Variants in NMT1 observed in about 807,000 individuals in gnomAD.
The protein encoded by NMT1 is N-myristoyltransferase 1, also known as glycylpeptide N-tetradecanoyltransferase 1.
A neutral mutation model predicts 63.4 loss-of-function variants in NMT1; 12 were observed. That is an observed-to-expected ratio of 0.19 (90% CI 0.12 to 0.31). The LOEUF (loss-of-function observed/expected upper bound fraction) is 0.31, where lower values mean the gene tolerates loss of function less well. NMT1 is among the 10% of genes least tolerant of loss of function. The pLI is 1.00. For synonymous variants in NMT1, 228 were observed against 234.3 expected (o/e 0.97, Z 0.25); for missense variants, 432 against 634.6 (o/e 0.68, Z 3.43).
chr17:45,069,631 C>A (rs2053927010), intron 1 of NMT1, among the ~76,000 whole-genome samples: 1 of 152,068 alleles, frequency 6.6e-6, no homozygotes, highest in South Asian at 2.1e-4. Flanking sequence ...AGATTTGCAT[C>A]TCCACTGGTC....
rs573374776 is a variant in NMT1 at position 45,092,544 on chromosome 17, A to C, written c.386-1141A>C. Among the ~76,000 whole-genome samples the C allele has an allele frequency of 3.9e-4, 59 of 151,678 alleles. 2 individuals are homozygous for C. The South Asian group carries it at 0.012, about 30-fold the overall frequency. ...GAAACTCCATCTCTACTGAAAAAAA[A>C]AAAACAAAACACCAAAATTAGCCAG... On this transcript the variant is annotated intron_variant, in intron 3 of 11. Transcript: ENST00000258960.
At chr17:45,067,593 G>C (rs566053584) in intron 1 of NMT1, among the ~76,000 whole-genome samples, 5 of 152,206 alleles carry the variant, frequency 3.3e-5, no homozygotes, top group African/African-American at 1.2e-4. Context: ...TCCAAGAGTC[G>C]TTCTTTCCCT....
chr17:45,068,627 C>G (rs2053918330), intron 1 of NMT1, among the ~76,000 whole-genome samples: 1 of 152,176 alleles, frequency 6.6e-6, no homozygotes. Flanking sequence ...CATGATTTCA[C>G]TTATGAAGAC....
chr17:45,076,896 A>G (rs1567863758), intron 1 of NMT1, among the ~76,000 whole-genome samples: 1 of 152,186 alleles, frequency 6.6e-6, no homozygotes, highest in African/African-American at 2.4e-5. Flanking sequence ...TTGCTCTCTG[A>G]TTTTAGTTTC....
intron 3 of NMT1, among the ~76,000 whole-genome samples, chr17:45,090,398 G>GTCGTCCTTCT (rs140393825): frequency 2.0e-5 from 3 of 151,628 alleles, no homozygotes; most frequent in Non-Finnish European, 4.4e-5. Flanking sequence ...TCGAGATCAT[G>GTCGTCCTTCT]TCGTTCTTCT....
chr17:45,086,103 T>C (rs1428749981), intron 2 of NMT1, among the ~76,000 whole-genome samples: 1 of 149,368 alleles, frequency 6.7e-6, no homozygotes, highest in Non-Finnish European at 1.5e-5. Context: ...ATTACAGGCA[T>C]GAGCCACTGC....
At chr17:45,094,995 TA>T (rs2054114913) in intron 4 of NMT1, among the ~76,000 whole-genome samples, 1 of 147,812 alleles carries the variant, frequency 6.8e-6, no homozygotes, top group Non-Finnish European at 1.5e-5. Context: ...GTATTTTTAG[TA>T]GAGATGGGGT....
chr17:45,078,014 C>G (rs929063590), intron 1 of NMT1, among the ~76,000 whole-genome samples: 2 of 152,134 alleles, frequency 1.3e-5, no homozygotes, highest in African/African-American at 4.8e-5. Flanking sequence ...GTACTTGCAT[C>G]TAGACTTCAT....
intron 1 of NMT1, among the ~76,000 whole-genome samples, chr17:45,075,867 C>T (rs71373532): frequency 0.045 from 6,893 of 152,216 alleles, 202 homozygotes; most frequent in Non-Finnish European, 0.068. Flanking sequence ...GTCAGGAGTT[C>T]AAGACCAGCC....
chr17:45,064,858 A>G lies in NMT1; in HGVS notation c.131+3398A>G, dbSNP rs553791330. On this transcript the variant is annotated intron_variant, in intron 1 of 11. Transcript: ENST00000258960. Reference sequence around the variant, plus strand: ...TCTCAAAGCTTGGCTCTGACACTTAACAGTCCTGTGACCTTGGGAAAGGTA... The same window carrying G: ...TCTCAAAGCTTGGCTCTGACACTTAGCAGTCCTGTGACCTTGGGAAAGGTA... Among the ~76,000 whole-genome samples the G allele has an allele frequency of 5.3e-5, 8 of 152,206 alleles. 1 individual carries two copies. In the South Asian group the frequency reaches 1.7e-3, roughly 32 times the overall value.
rs1159125900 is a variant in NMT1, at chr17:45,104,785, G to A, written c.1333-74G>A. The A allele has an allele frequency of 1.9e-6, 3 of 1,588,688 alleles. No individual in the cohort carries two copies. Among genetic ancestry groups the A allele is most frequent in the Non-Finnish European group, 2.6e-6 (3 of 1,163,780 alleles). On this transcript the variant is annotated intron_variant, in intron 10 of 11. Transcript: ENST00000258960. This position sits in a 1 kb window ranked among gnomAD's most constrained non-coding sequence, Gnocchi z 4.2. Reference sequence around the variant, plus strand: ...GCTGCCCACAGGACAGCTTTGAAATGGCAGCAAAGGGGTAGGAAGGAGGCT... The same window carrying A: ...GCTGCCCACAGGACAGCTTTGAAATAGCAGCAAAGGGGTAGGAAGGAGGCT...
intron 2 of NMT1, among the ~76,000 whole-genome samples, chr17:45,081,984 C>A (rs1388320457): frequency 6.6e-6 from 1 of 152,210 alleles, no homozygotes; most frequent in Non-Finnish European, 1.5e-5. Flanking sequence ...TGGTGCCCAT[C>A]AGAATGGACA....
intron 1 of NMT1, among the ~76,000 whole-genome samples, chr17:45,076,991 G>A (rs1323557042): frequency 6.6e-6 from 1 of 152,194 alleles, no homozygotes; most frequent in Non-Finnish European, 1.5e-5. Flanking sequence ...CAAAAATTGG[G>A]TTCATGAGGT....
Position 45,061,415 on chromosome 17 carries a change from A to G in NMT1, c.86A>G (p.His29Arg). The change falls in exon 1 of 12, where the codon CAC (histidine) becomes CGC (arginine). Residue 29 changes from histidine to arginine, a missense_variant. His to Arg is a conservative substitution (Grantham distance 29, BLOSUM62 0). Transcript: ENST00000258960. ...MMEGNGNGHEHCSDCENEEDN... is the reference protein window; with the variant it reads ...MMEGNGNGHERCSDCENEEDN... The stretch of plus-strand genomic sequence containing the variant: ...GAAGGGAACGGGAACGGCCATGAGC[A>G]CTGCAGCGATTGCGAGAATGAGGAG... The G allele has an allele frequency of 6.2e-7, 1 of 1,614,004 alleles. No homozygotes were observed. Among genetic ancestry groups the G allele is most frequent in the East Asian group, 2.2e-5 (1 of 44,874 alleles).
At chr17:45,101,337 C>T (rs938173351) in intron 8 of NMT1, among the ~76,000 whole-genome samples, 1 of 147,462 alleles carries the variant, frequency 6.8e-6, no homozygotes, top group Non-Finnish European at 1.5e-5. Flanking sequence ...TTCTTAAAAT[C>T]CCTTCTCAGG....
chr17:45,104,001 G>A lies in NMT1; in HGVS notation c.1332+125G>A. On this transcript the variant is annotated intron_variant, in intron 10 of 11. Transcript: ENST00000258960. This position sits in a 1 kb window ranked among gnomAD's most constrained non-coding sequence, Gnocchi z 4.2. ...GCTCTGAGCCCTCCTCATCTGTTCTGCTTAGGCAGGGTTCCCGCAGTTTTT... is the reference window on the plus strand; with the variant it reads ...GCTCTGAGCCCTCCTCATCTGTTCTACTTAGGCAGGGTTCCCGCAGTTTTT... The A allele has an allele frequency of 6.3e-7, 1 of 1,596,808 alleles. No homozygotes were observed. Among genetic ancestry groups the A allele is most frequent in the Non-Finnish European group, 8.5e-7 (1 of 1,178,602 alleles).
At chr17:45,102,467 G>T (rs756282032) in intron 8 of NMT1, among the ~76,000 whole-genome samples, 4 of 152,248 alleles carry the variant, frequency 2.6e-5, no homozygotes, top group Non-Finnish European at 5.9e-5. Flanking sequence ...TAGTGTCTGG[G>T]TGGGCAGACC....
In NMT1 at chr17:45,104,140, T is replaced by C; in HGVS notation, c.1332+264T>C. On this transcript the variant is annotated intron_variant, in intron 10 of 11. Coordinates refer to ENST00000258960, the MANE Select transcript of NMT1 (RefSeq NM_021079.5). This position sits in a 1 kb window ranked among gnomAD's most constrained non-coding sequence, Gnocchi z 4.2. ...TCACAGGAGGCGCCACCAAGGAGCC[T>C]GAATAGCCAGGCCTTCCCTGGGAGG... 4 of 1,362,948 alleles carry C rather than the reference T, an allele frequency of 2.9e-6. No individual in the cohort carries two copies. The highest frequency in any genetic ancestry group is 3.8e-6 in the Non-Finnish European group (4 of 1,051,316). The allele number at this position is 1,362,948 out of a possible 1,614,324, so 84.4% of individuals were successfully genotyped here. A position where few individuals can be genotyped will look rare whatever the true frequency, so the allele number is the denominator to read the frequency against.
Position 45,094,485 on chromosome 17 carries a change from TC to T in NMT1, c.504+683del, listed in dbSNP as rs2054110609. On this transcript the variant is annotated intron_variant, in intron 4 of 11. Coordinates refer to ENST00000258960, the MANE Select transcript of NMT1 (RefSeq NM_021079.5). ...TCCAGCCCAGGTGACAGTGCGAGAC[TC>T]TTTGTCTCAAAAAAAAAAAAAAGTC... Among the ~76,000 whole-genome samples, 7 of 148,004 alleles carry T rather than the reference TC, an allele frequency of 4.7e-5. No individual in the cohort carries two copies. In the South Asian group the frequency reaches 1.6e-3, roughly 33 times the overall value.
Sources: allele counts gnomAD v4.1 joint callset (sites outside exome capture counted in the v4.1 genomes callset), GRCh38; gene constraint gnomAD v4.1.1; non-coding constraint Gnocchi (gnomAD v3.1); transcripts MANE v1.5; gene names NCBI Gene and HGNC (gene_info 2026-07-23, HGNC 2026-07-21).